Variants in PCDHA4 observed in about 807,000 individuals in gnomAD.
The protein encoded by PCDHA4 is protocadherin alpha-4.
PCDHA4 carries 49 observed loss-of-function variants against 61.4 expected under a neutral mutation model. The observed-to-expected ratio is 0.80, with a 90% CI of 0.63 to 1.01. The LOEUF (loss-of-function observed/expected upper bound fraction) is 1.01. Among genes scored for constraint, PCDHA4 ranks in the 50% least tolerant of loss-of-function variants. The probability of loss-of-function intolerance (pLI) is 0.00; values close to 1 mark genes in which losing one functional copy is unlikely to be tolerated. For missense variants in PCDHA4, 1,254 were observed against 1,235.8 expected (o/e 1.01, Z -0.22); for synonymous variants, 590 against 550.3 (o/e 1.07, Z -1.01).
At chr5:140,938,133 A>G (rs2091933876) in intron 1 of PCDHA4, among the ~76,000 whole-genome samples, 1 of 152,268 alleles carries the variant, frequency 6.6e-6, no homozygotes, top group South Asian at 2.1e-4. Context: ...AAAAATAGAG[A>G]TAGAGTCTCA....
At chr5:140,836,003 G>T (rs1456412206) in intron 1 of PCDHA4, 5 of 1,613,328 alleles carry the variant, frequency 3.1e-6, no homozygotes, top group African/African-American at 2.7e-5. Flanking sequence ...CGCGCGATGC[G>T]GGCGTGCCGC....
At chr5:140,906,643 G>A (rs1049197869) in intron 1 of PCDHA4, among the ~76,000 whole-genome samples, 14 of 152,222 alleles carry the variant, frequency 9.2e-5, no homozygotes, top group South Asian at 4.1e-4. Context: ...TCAGCAGGTA[G>A]TGGTTTTTTC....
intron 1 of PCDHA4, among the ~76,000 whole-genome samples, chr5:140,832,729 C>T (rs1170973307): frequency 1.1e-4 from 17 of 152,054 alleles, no homozygotes; most frequent in African/African-American, 4.1e-4. Context: ...AGGTAAGTAT[C>T]CTACATAAAT....
intron 1 of PCDHA4, chr5:140,883,741 C>T (rs2153397240): frequency 6.2e-7 from 1 of 1,613,386 alleles, no homozygotes; most frequent in Non-Finnish European, 8.5e-7. Context: ...CGCTGGTCTC[C>T]TACTCGCTGG....
In PCDHA4 at chr5:140,979,008, G is replaced by T; in HGVS notation, c.2444+1G>T. 1 of 1,613,990 alleles carries T rather than the reference G, an allele frequency of 6.2e-7. No individual in the cohort carries two copies. The highest frequency in any genetic ancestry group is 1.3e-5 in the African/African-American group (1 of 75,044). ...CCTCCCTGAGAGCAGGCATGCACAG[G>T]TATGTATTTCCCTCCTCATTCACTC... On this transcript the variant is annotated splice_donor_variant, in intron 2 of 3. Transcript: ENST00000530339. LOFTEE classifies it high-confidence loss of function.
At chr5:140,988,348 A>T (rs2097293800) in intron 3 of PCDHA4, among the ~76,000 whole-genome samples, 1 of 152,116 alleles carries the variant, frequency 6.6e-6, no homozygotes, top group Admixed American at 6.6e-5. Flanking sequence ...TCCTTTTAAG[A>T]TGCACTTTTA....
chr5:140,958,204 G>T (rs2095413529), intron 1 of PCDHA4, among the ~76,000 whole-genome samples: 2 of 152,042 alleles, frequency 1.3e-5, no homozygotes, highest in South Asian at 2.1e-4. Flanking sequence ...AGTATACAAG[G>T]GAATTAGATT....
chr5:140,826,149 A>C (rs993174050), intron 1 of PCDHA4, among the ~76,000 whole-genome samples: 2 of 152,246 alleles, frequency 1.3e-5, no homozygotes, highest in Non-Finnish European at 2.9e-5. Flanking sequence ...GAAGTCCTAG[A>C]AATTGAGAAA....
intron 1 of PCDHA4, chr5:140,928,178 G>A: frequency 6.2e-7 from 1 of 1,614,192 alleles, no homozygotes. Context: ...AGCACCCGAA[G>A]GACAATCACT....
intron 1 of PCDHA4, chr5:140,834,464 G>A (rs2150218984): frequency 2.5e-6 from 4 of 1,614,188 alleles, no homozygotes; most frequent in East Asian, 4.5e-5. Context: ...GGGAGGCAGG[G>A]AGAGGCCAGC....
chr5:140,865,443 G>A (rs192930935), intron 1 of PCDHA4: 1 of 152,292 alleles, frequency 6.6e-6, no homozygotes, highest in East Asian at 1.9e-4. Context: ...TAACTTCTGA[G>A]AAGATGATTT....
At chr5:140,828,700 G>C (rs2150158039) in intron 1 of PCDHA4, 1 of 1,614,210 alleles carries the variant, frequency 6.2e-7, no homozygotes, top group South Asian at 1.1e-5. Flanking sequence ...TGGACAGAGA[G>C]GAAGCTCCTG....
intron 1 of PCDHA4, chr5:140,849,333 T>G: frequency 2.9e-6 from 4 of 1,383,164 alleles, no homozygotes; most frequent in Non-Finnish European, 4.0e-6. Context: ...TATTATTTAC[T>G]CCTTCTCCAG....
At chr5:140,999,784 T>C (rs1176844844) in intron 3 of PCDHA4, among the ~76,000 whole-genome samples, 1 of 152,202 alleles carries the variant, frequency 6.6e-6, no homozygotes, top group African/African-American at 2.4e-5. Context: ...AACCTAGAAA[T>C]GGCAGAGTTA....
At chr5:140,916,688 C>G (rs1422583302) in intron 1 of PCDHA4, among the ~76,000 whole-genome samples, 3 of 152,180 alleles carry the variant, frequency 2.0e-5, no homozygotes, top group Admixed American at 6.5e-5. Flanking sequence ...TTACTCTTTT[C>G]TCTCCTCTCC....
chr5:140,809,086 A>G lies in PCDHA4; in HGVS notation c.1899A>G (p.Thr633=). 3 of 1,613,938 alleles carry G rather than the reference A, an allele frequency of 1.9e-6. No individual in the cohort carries two copies. Among genetic ancestry groups the G allele is most frequent in the South Asian group, 2.2e-5 (2 of 91,084 alleles). ...GGCTGTACACTGGCGAGATCAGCACAACGCGTGCCCTGGACGAAACGGACG... is the reference window on the plus strand; with the variant it reads ...GGCTGTACACTGGCGAGATCAGCACGACGCGTGCCCTGGACGAAACGGACG... ...RVGLYTGEIS[T]TRALDETDAP... The change falls in exon 1 of 4, where the codon ACA becomes ACG. Residue 633 remains threonine, a synonymous_variant. Transcript: ENST00000530339.
chr5:140,962,708 A>G (rs982426662), intron 1 of PCDHA4, among the ~76,000 whole-genome samples: 1 of 152,240 alleles, frequency 6.6e-6, no homozygotes, highest in African/African-American at 2.4e-5. Context: ...CTATAATCAT[A>G]TTGGAAAGTA....
Position 140,823,500 on chromosome 5 carries a change from A to G in PCDHA4, c.2385+13928A>G, listed in dbSNP as rs1016664951. 8 of 1,613,208 alleles carry G rather than the reference A, an allele frequency of 5.0e-6. No individual in the cohort carries two copies. The Admixed American group carries it at 5.0e-5, about 10-fold the overall frequency. On this transcript the variant is annotated intron_variant, in intron 1 of 3. Transcript: ENST00000530339. ...CTCGAGTGGGTGGCACCGGCGGCGCAGTGAGCGAGCTGGTGCCGAGGTCAG... is the reference window on the plus strand; with the variant it reads ...CTCGAGTGGGTGGCACCGGCGGCGCGGTGAGCGAGCTGGTGCCGAGGTCAG...
intron 1 of PCDHA4, chr5:140,869,787 G>A (rs1554163463): frequency 3.1e-6 from 5 of 1,612,888 alleles, no homozygotes; most frequent in Middle Eastern, 1.6e-4. Flanking sequence ...CCGTTCGGCT[G>A]TTAGTCCAAG....
Sources: gnomAD v4.1 joint callset for allele counts (sites outside exome capture counted in the v4.1 genomes callset) on GRCh38, gnomAD v4.1.1 for gene constraint, MANE v1.5 for transcripts, NCBI Gene and HGNC (gene_info 2026-07-23, HGNC 2026-07-21) for gene names.